Variants in DCDC2 observed in about 807,000 individuals in gnomAD.
The protein encoded by DCDC2 is doublecortin domain containing 2, also known as doublecortin domain-containing protein 2.
DCDC2 carries 40 observed loss-of-function variants against 50.2 expected under a neutral mutation model. The ratio of observed to expected loss-of-function variants is 0.80; its 90% CI spans 0.62 to 1.04. The LOEUF is 1.04. Among genes scored for constraint, DCDC2 ranks in the 50% least tolerant of loss-of-function variants. DCDC2 has a pLI of 0.00. For synonymous variants in DCDC2, 234 were observed against 210.6 expected, an observed-to-expected ratio of 1.11 and a Z score of -0.96; for missense variants, 570 against 581.9, an observed-to-expected ratio of 0.98 and a Z score of 0.21.
At chr6:24,210,005 T>G (rs1761823103) in intron 7 of DCDC2, among the ~76,000 whole-genome samples, 1 of 145,550 alleles carries the variant, frequency 6.9e-6, no homozygotes. Flanking sequence ...CAGCTTTTAA[T>G]GCAGCAGTAT....
chr6:24,304,983 G>A (rs1029594613), intron 2 of DCDC2, among the ~76,000 whole-genome samples: 1 of 152,154 alleles, frequency 6.6e-6, no homozygotes, highest in African/African-American at 2.4e-5. Flanking sequence ...TCTTCAATAT[G>A]TGACTCTCTA....
chr6:24,371,972 G>A, the DCDC2 span, among the ~76,000 whole-genome samples: 39 of 152,294 alleles, frequency 2.6e-4, 1 homozygote, highest in Admixed American at 2.5e-3. Context: ...GGAAACAACA[G>A]GTGCTGGAGA....
At chr6:24,333,674 C>A (rs1349449870) in intron 2 of DCDC2, among the ~76,000 whole-genome samples, 1 of 152,110 alleles carries the variant, frequency 6.6e-6, no homozygotes, top group Non-Finnish European at 1.5e-5. Context: ...CTAAGAGTAA[C>A]AGGAAGTCAC....
chr6:24,288,247 G>A (rs532057815), intron 6 of DCDC2, among the ~76,000 whole-genome samples: 7 of 152,346 alleles, frequency 4.6e-5, no homozygotes, highest in Middle Eastern at 3.4e-3. Context: ...GAACTGCCAA[G>A]GCAACGCTCT....
intron 7 of DCDC2, among the ~76,000 whole-genome samples, chr6:24,255,876 T>C (rs533952479): frequency 7.2e-5 from 11 of 152,188 alleles, no homozygotes; most frequent in Middle Eastern, 3.4e-3. Flanking sequence ...AGATGAAATA[T>C]GCAAATCATG....
At chr6:24,201,394 T>C (rs140107291) in intron 8 of DCDC2, among the ~76,000 whole-genome samples, 3,537 of 152,252 alleles carry the variant, frequency 0.023, 109 homozygotes, top group African/African-American at 0.076. Context: ...AACCTGCTCC[T>C]GAATGACTAC....
the DCDC2 span, among the ~76,000 whole-genome samples, chr6:24,373,294 T>C: frequency 6.6e-6 from 1 of 152,204 alleles, no homozygotes; most frequent in Non-Finnish European, 1.5e-5. Flanking sequence ...TACAACAATG[T>C]TTGTAGAAGC....
At chr6:24,247,335 TTA>T (rs147748794) in intron 7 of DCDC2, among the ~76,000 whole-genome samples, 2 of 150,934 alleles carry the variant, frequency 1.3e-5, no homozygotes, top group Admixed American at 6.6e-5. Context: ...TTAACTATTT[TTA>T]TATATATATA....
At chr6:24,244,366 G>A (rs2113793922) in intron 7 of DCDC2, among the ~76,000 whole-genome samples, 1 of 152,226 alleles carries the variant, frequency 6.6e-6, no homozygotes. Flanking sequence ...AATACATCAG[G>A]GATGGTGGGA....
intron 8 of DCDC2, among the ~76,000 whole-genome samples, chr6:24,188,099 C>T (rs992566875): frequency 6.6e-6 from 1 of 152,178 alleles, no homozygotes; most frequent in Admixed American, 6.6e-5. Context: ...GGCTCCAAGA[C>T]CAGTGCCTCA....
intron 7 of DCDC2, among the ~76,000 whole-genome samples, chr6:24,231,178 G>A (rs57511644): frequency 0.011 from 1,732 of 152,306 alleles, 33 homozygotes; most frequent in African/African-American, 0.039. Flanking sequence ...TCTCAGCATC[G>A]CTGTTGTCAG....
chr6:24,184,192 G>A (rs546283270), intron 8 of DCDC2, among the ~76,000 whole-genome samples: 6 of 152,106 alleles, frequency 3.9e-5, no homozygotes, highest in South Asian at 2.1e-4. Flanking sequence ...CAAACAAGTC[G>A]CTACAATAAG....
chr6:24,224,330 G>A (rs898538500), intron 7 of DCDC2, among the ~76,000 whole-genome samples: 28 of 152,186 alleles, frequency 1.8e-4, no homozygotes, highest in East Asian at 1.9e-4. Flanking sequence ...CCAGAGCCCT[G>A]CGCTTCAAAA....
the DCDC2 span, among the ~76,000 whole-genome samples, chr6:24,381,420 A>G: frequency 6.6e-6 from 1 of 152,252 alleles, no homozygotes; most frequent in Non-Finnish European, 1.5e-5. Flanking sequence ...ATCTTTAAAA[A>G]GAGAGAGGAG....
chr6:24,290,839 C>T, intron 5 of DCDC2, 93 bp downstream of exon 5: 2 of 1,083,870 alleles, frequency 1.8e-6, no homozygotes, highest in Non-Finnish European at 2.6e-6. Flanking sequence ...ATAAGATTAT[C>T]AATTACATAA....
intron 7 of DCDC2, among the ~76,000 whole-genome samples, chr6:24,225,408 TACAC>T (rs149354141): frequency 1.3e-4 from 20 of 151,366 alleles, no homozygotes; most frequent in Non-Finnish European, 1.5e-4. Flanking sequence ...TTAAACTTGA[TACAC>T]ACACACACAC....
intron 1 of DCDC2, among the ~76,000 whole-genome samples, chr6:24,355,091 T>C (rs1760441079): frequency 1.3e-5 from 2 of 152,178 alleles, no homozygotes; most frequent in South Asian, 4.1e-4. Flanking sequence ...TTGGCTTCTA[T>C]CATTATAACC....
chr6:24,366,270 A>C, the DCDC2 span, among the ~76,000 whole-genome samples: 1 of 152,228 alleles, frequency 6.6e-6, no homozygotes, highest in African/African-American at 2.4e-5. Context: ...AGAAAACCAT[A>C]GTTGTTTATC....
chr6:24,341,423 G>T (rs1760151955), intron 2 of DCDC2, among the ~76,000 whole-genome samples: 1 of 151,918 alleles, frequency 6.6e-6, no homozygotes, highest in African/African-American at 2.4e-5. Flanking sequence ...TGATACATGG[G>T]AATTTTCATT....
Sources: gnomAD v4.1 joint callset for allele counts (sites outside exome capture counted in the v4.1 genomes callset) on GRCh38, gnomAD v4.1.1 for gene constraint, MANE v1.5 for transcripts, NCBI Gene and HGNC (gene_info 2026-07-23, HGNC 2026-07-21) for gene names.